The following SAMD12 variants were observed in gnomAD, a reference collection of about 807,000 sequenced individuals.
SAMD12 encodes the protein sterile alpha motif domain-containing protein 12.
Under a neutral mutation model 15.0 loss-of-function variants are expected in SAMD12, and 9 were observed. That is an observed-to-expected ratio of 0.60 (90% confidence interval 0.36 to 1.05). The LOEUF is 1.05. Ranked by LOEUF, SAMD12 falls within the 50% of genes least tolerant of loss-of-function variation. The pLI is 0.01. For missense variants in SAMD12, 230 were observed against 234.2 expected (o/e 0.98, Z 0.12); for synonymous variants, 86 against 90.1 (o/e 0.96, Z 0.25).
At chr8:118,279,205 C>T (rs1043071892) in intron 4 of SAMD12, among the ~76,000 whole-genome samples, 2 of 152,132 alleles carry the variant, frequency 1.3e-5, no homozygotes, top group African/African-American at 4.8e-5. Context: ...ATTGCTCACC[C>T]CTGACAATTT....
intron 3 of SAMD12, among the ~76,000 whole-genome samples, chr8:118,411,130 C>A (rs1173962316): frequency 6.6e-6 from 1 of 152,128 alleles, no homozygotes; most frequent in Admixed American, 6.5e-5. Context: ...TTTGAAGAAT[C>A]TAAGTACATT....
chr8:118,466,061 T>G (rs1231453196), intron 2 of SAMD12, among the ~76,000 whole-genome samples: 3 of 152,192 alleles, frequency 2.0e-5, no homozygotes, highest in African/African-American at 7.2e-5. Context: ...ACATCTCATC[T>G]CAAACAAATA....
At chr8:118,594,623 A>T (rs1586844150) in intron 1 of SAMD12, among the ~76,000 whole-genome samples, 2 of 152,308 alleles carry the variant, frequency 1.3e-5, no homozygotes, top group Middle Eastern at 3.4e-3. Flanking sequence ...CCTCCAAGCC[A>T]AGAAAATCAG....
chr8:118,455,913 C>T (rs1823236060), intron 2 of SAMD12, among the ~76,000 whole-genome samples: 1 of 152,220 alleles, frequency 6.6e-6, no homozygotes, highest in Admixed American at 6.5e-5. Flanking sequence ...ATTCCTTCCA[C>T]CTCATTCAAA....
chr8:118,292,347 CAG>C (rs1234528199), intron 4 of SAMD12, among the ~76,000 whole-genome samples: 2 of 140,246 alleles, frequency 1.4e-5, no homozygotes, highest in African/African-American at 6.1e-5. Flanking sequence ...TGCAAACACA[CAG>C]ACACACACAC....
exon 5 of SAMD12, chr8:118,190,729 T>C (rs924043198): frequency 3.3e-5 from 5 of 152,134 alleles, no homozygotes; most frequent in Non-Finnish European, 7.3e-5. Flanking sequence ...CTTCTTCCCT[T>C]AGCTCATTTT....
At chr8:118,139,267 A>T in the SAMD12 span, among the ~76,000 whole-genome samples, 1 of 152,110 alleles carries the variant, frequency 6.6e-6, no homozygotes, top group Non-Finnish European at 1.5e-5. Flanking sequence ...AAACCCAATG[A>T]TAAAGGGAAA....
chr8:118,282,385 A>G (rs1055446956), intron 4 of SAMD12: 6 of 456,078 alleles, frequency 1.3e-5, no homozygotes, highest in Admixed American at 2.3e-5. Context: ...TGTTGGTTGA[A>G]AGCTAAGCTC....
rs550725646 is a variant in SAMD12, at chr8:118,243,823, T to C, written c.434-46091A>G. The stretch of plus-strand genomic sequence containing the variant: ...ATGGAAATGGAGAGGTGTAAAACTT[T>C]AAAGAGCTGAGCTTTTGGCAGTTGT... On this transcript the variant is annotated intron_variant, in intron 4 of 4. Transcript: ENST00000409003. Among the ~76,000 whole-genome samples the C allele has an allele frequency of 9.9e-5, 15 of 152,230 alleles. No homozygotes were observed. In the South Asian group the frequency reaches 3.1e-3, roughly 32 times the overall value.
chr8:118,449,748 C>G (rs1823020467), intron 2 of SAMD12, among the ~76,000 whole-genome samples: 1 of 126,372 alleles, frequency 7.9e-6, no homozygotes, highest in Non-Finnish European at 1.6e-5. Flanking sequence ...TTGCAGTGAG[C>G]AGAGATGGTG....
chr8:118,619,003 C>T (rs1057250114), intron 1 of SAMD12, among the ~76,000 whole-genome samples: 8 of 152,254 alleles, frequency 5.3e-5, no homozygotes, highest in Non-Finnish European at 1.0e-4. Context: ...CAGCATTTCT[C>T]AATAAGTTGG....
chr8:118,342,738 A>G (rs576496590), intron 4 of SAMD12, among the ~76,000 whole-genome samples: 2 of 152,352 alleles, frequency 1.3e-5, no homozygotes, highest in East Asian at 3.9e-4. Context: ...GACTCAGAAG[A>G]ACTAGGAGAT....
chr8:118,495,947 G>T (rs925466025), intron 2 of SAMD12, among the ~76,000 whole-genome samples: 2 of 152,136 alleles, frequency 1.3e-5, no homozygotes, highest in East Asian at 1.9e-4. Context: ...AATCAAGATC[G>T]CAATCCCACT....
chr8:118,383,240 C>A (rs1470643479), intron 3 of SAMD12, among the ~76,000 whole-genome samples: 2 of 152,200 alleles, frequency 1.3e-5, no homozygotes, highest in African/African-American at 4.8e-5. Context: ...ATGAACACAG[C>A]AGACAGGGTC....
intron 2 of SAMD12, among the ~76,000 whole-genome samples, chr8:118,522,195 CACAT>C (rs1311965453): frequency 4.7e-4 from 39 of 82,288 alleles, no homozygotes; most frequent in African/African-American, 2.3e-3. Flanking sequence ...CACACACACA[CACAT>C]ACACACACAC....
At chr8:118,345,541 G>A (rs1282111780) in intron 4 of SAMD12, among the ~76,000 whole-genome samples, 3 of 152,198 alleles carry the variant, frequency 2.0e-5, no homozygotes, top group African/African-American at 7.2e-5. Flanking sequence ...GGGATTTGGA[G>A]AGGTCAAAAA....
intron 4 of SAMD12, among the ~76,000 whole-genome samples, chr8:118,333,558 T>G (rs927751680): frequency 2.0e-5 from 3 of 151,930 alleles, no homozygotes; most frequent in Admixed American, 6.6e-5. Context: ...TCTTTTGTTT[T>G]TTTTTTTTAA....
intron 2 of SAMD12, among the ~76,000 whole-genome samples, chr8:118,504,530 C>A (rs56151246): frequency 0.19 from 28,629 of 151,988 alleles, 2,856 homozygotes; most frequent in South Asian, 0.4. Context: ...TGAGAAGTGG[C>A]CCCCAAAAGT....
intron 4 of SAMD12, among the ~76,000 whole-genome samples, chr8:118,297,307 C>T (rs1334134458): frequency 6.6e-6 from 1 of 152,130 alleles, no homozygotes; most frequent in Non-Finnish European, 1.5e-5. Flanking sequence ...AGTTGCTCTG[C>T]ATTTTTGTCC....
Sources: gnomAD v4.1 joint callset for allele counts (sites outside exome capture counted in the v4.1 genomes callset) on GRCh38, gnomAD v4.1.1 for gene constraint, MANE v1.5 for transcripts, NCBI Gene and HGNC (gene_info 2026-07-23, HGNC 2026-07-21) for gene names.